The following RNF112 variants were observed in gnomAD, a reference collection of about 807,000 sequenced individuals.
RNF112 encodes the protein brain finger protein.
A neutral mutation model predicts 64.7 loss-of-function variants in RNF112; 34 were observed. The observed-to-expected ratio is 0.53, with a 90% CI of 0.40 to 0.70. RNF112 has a LOEUF of 0.70. Ranked by LOEUF, RNF112 falls within the 30% of genes least tolerant of loss-of-function variation. The probability of loss-of-function intolerance (pLI) is 0.00; values close to 1 mark genes in which losing one functional copy is unlikely to be tolerated. For missense variants in RNF112, 734 were observed against 850.0 expected (o/e 0.86, Z 1.70); for synonymous variants, 345 against 344.5 (o/e 1.00, Z -0.02).
rs756606719 is a variant in RNF112 at position 19,414,850 on chromosome 17, G to A, written c.1089G>A (p.Gly363=). 1.2e-6 allele frequency: 2 copies of A among 1,613,768 alleles called. No homozygotes were observed. The highest frequency in any genetic ancestry group is 2.2e-5 in the South Asian group (2 of 91,078). The change falls in exon 10 of 14, where the codon GGG becomes GGA. Residue 363 remains glycine, a synonymous_variant. Coordinates refer to ENST00000461366, the MANE Select transcript of RNF112 (RefSeq NM_007148.5). ...RARCCLLPAP[G]RRRMNQGHAS... Reference sequence around the variant, plus strand: ...GTTGCTGCCTCTTGCCTGCCCCAGGGAGGCGGCGGATGAACCAAGGCCATG... The same window carrying A: ...GTTGCTGCCTCTTGCCTGCCCCAGGAAGGCGGCGGATGAACCAAGGCCATG...
chr17:19,413,964 C>A lies in RNF112; in HGVS notation c.826-131C>A. 1.4e-6 allele frequency: 1 copy of A among 734,846 alleles called. No homozygotes were observed. Among genetic ancestry groups the A allele is most frequent in the Non-Finnish European group, 2.3e-6 (1 of 441,074 alleles). 45.5% of individuals were successfully genotyped at this position (734,846 alleles called of 1,614,324 possible). Reference sequence around the variant, plus strand: ...CAGCCCAGCCCTGCAGCCTTCGAGGCCCCCATACTGGCCTCTCCCATACTC... The same window carrying A: ...CAGCCCAGCCCTGCAGCCTTCGAGGACCCCATACTGGCCTCTCCCATACTC... On this transcript the variant is annotated intron_variant, in intron 6 of 13. Coordinates refer to ENST00000461366, the MANE Select transcript of RNF112 (RefSeq NM_007148.5). This position sits in a 1 kb window ranked among gnomAD's most constrained non-coding sequence, Gnocchi z 5.9.
Position 19,417,104 on chromosome 17 carries a change from C to T in RNF112, c.*929C>T, listed in dbSNP as rs1913921036. 1 of 152,198 alleles carries T rather than the reference C, an allele frequency of 6.6e-6. No individual in the cohort carries two copies. Among genetic ancestry groups the T allele is most frequent in the African/African-American group, 2.4e-5 (1 of 41,434 alleles). 9.4% of individuals were successfully genotyped at this position (152,198 alleles called of 1,614,324 possible). A position where few individuals can be genotyped will look rare whatever the true frequency, so the allele number is the denominator to read the frequency against. On this transcript the variant is annotated 3_prime_UTR_variant, in exon 14 of 14. Transcript: ENST00000461366. ...ATGCAGCTTGATGCAGCTCCTCAAA[C>T]ACCAGGCCCCCTGGGAACTGGGGGT...
At chr17:19,411,511 C>T (rs771121464) in intron 1 of RNF112, 49 bp downstream of exon 1, 6 of 1,574,860 alleles carry the variant, frequency 3.8e-6, no homozygotes, top group Non-Finnish European at 5.2e-6. Context: ...TGGGAAGGGC[C>T]CTCCTTGGGC....
chr17:19,414,751 T>G lies in RNF112; in HGVS notation c.1009-19T>G. On this transcript the variant is annotated intron_variant, in intron 9 of 13. Coordinates refer to ENST00000461366, the MANE Select transcript of RNF112 (RefSeq NM_007148.5). ...GGCTGGACCTCCTAGCTCAGAGCAC[T>G]CCTCTCGCTGCCTCACAGAGATTGT... The G allele has an allele frequency of 5.0e-6, 8 of 1,612,650 alleles. No homozygotes were observed. Among genetic ancestry groups the G allele is most frequent in the African/African-American group, 1.3e-5 (1 of 74,998 alleles).
In RNF112 at chr17:19,413,599, CAG is replaced by C. The variant is rs1913757064; in HGVS notation, c.744_745del (p.Asp250CysfsTer5). The C allele has an allele frequency of 1.9e-6, 3 of 1,613,304 alleles. No homozygotes were observed. The highest frequency in any genetic ancestry group is 2.5e-6 in the Non-Finnish European group (3 of 1,179,624). ...TAGGTGGCGGTGTTCCTGGTGGACACAGGGGATGCCATGAGCCCTGAGCTGAG... is the reference window on the plus strand; with the variant it reads ...TAGGTGGCGGTGTTCCTGGTGGACACGGGATGCCATGAGCCCTGAGCTGAG... On this transcript the variant is annotated frameshift_variant, in exon 6 of 14. Coordinates refer to ENST00000461366, the MANE Select transcript of RNF112 (RefSeq NM_007148.5). LOFTEE classifies it high-confidence loss of function. This position sits in a 1 kb window ranked among gnomAD's most constrained non-coding sequence, Gnocchi z 5.9.
At position 19,415,636 on chromosome 17, in the gene RNF112, G is replaced by C. The variant is rs2152300391; in HGVS notation, c.1425+44G>C. 6.2e-7 allele frequency: 1 copy of C among 1,605,656 alleles called. No homozygotes were observed. The highest frequency in any genetic ancestry group is 2.2e-5 in the East Asian group (1 of 44,654). ...CGGGAGGCAGGTGTGGGCCGGGCAGGGTCCAGATCAGGGAGAGGATACCTG... is the reference window on the plus strand; with the variant it reads ...CGGGAGGCAGGTGTGGGCCGGGCAGCGTCCAGATCAGGGAGAGGATACCTG... On this transcript the variant is annotated intron_variant, in intron 13 of 13. Coordinates refer to ENST00000461366, the MANE Select transcript of RNF112 (RefSeq NM_007148.5). The surrounding 1 kb of genome is among the most constrained non-coding windows in gnomAD (Gnocchi z 7.8).
chr17:19,412,352 C>T lies in RNF112; in HGVS notation c.96-146C>T, dbSNP rs1198053577. ...AGCTTGGCCTCTCTGGGAGCAGCTC[C>T]GCCTGTCCATGGAGGCACTGATGGA... On this transcript the variant is annotated intron_variant, in intron 2 of 13. Coordinates refer to ENST00000461366, the MANE Select transcript of RNF112 (RefSeq NM_007148.5). The surrounding 1 kb of genome is among the most constrained non-coding windows in gnomAD (Gnocchi z 5.1). 7 of 854,486 alleles carry T rather than the reference C, an allele frequency of 8.2e-6. No individual in the cohort carries two copies. The highest frequency in any genetic ancestry group is 2.7e-5 in the East Asian group (1 of 36,666). The allele number at this position is 854,486 out of a possible 1,614,324, so 52.9% of individuals were successfully genotyped here. A position where few individuals can be genotyped will look rare whatever the true frequency, so the allele number is the denominator to read the frequency against.
rs771251172 is a variant in RNF112 at position 19,414,677 on chromosome 17, GA to G, written c.1008+18del. The stretch of plus-strand genomic sequence containing the variant: ...ATCTTCCAGGTGAGTGGTGCAAGGG[GA>G]TGGGGTGGAGGGGCCATGGACAGGG... On this transcript the variant is annotated intron_variant, in intron 9 of 13. Transcript: ENST00000461366. 1 of 1,611,086 alleles carries G rather than the reference GA, an allele frequency of 6.2e-7. No homozygotes were observed.
At position 19,415,987 on chromosome 17, in the gene RNF112, A is replaced by G. The variant is rs1413736836; in HGVS notation, c.1708A>G (p.Met570Val). Reference sequence around the variant, plus strand: ...GGCAGGGGGCGTGGTGGGTGCTGGCATGGCAGCAGCTGCACTGGCTGCAGA... The same window carrying G: ...GGCAGGGGGCGTGGTGGGTGCTGGCGTGGCAGCAGCTGCACTGGCTGCAGA... ...GLAGGVVGAG[M>V]AAAALAAEAG... The change falls in exon 14 of 14, where the codon ATG becomes GTG. Residue 570 changes from methionine (M) to valine (V), a missense_variant. Transcript: ENST00000461366. The surrounding 1 kb of genome is among the most constrained non-coding windows in gnomAD (Gnocchi z 7.8). 3 of 1,565,758 alleles carry G rather than the reference A, an allele frequency of 1.9e-6. No homozygotes were observed. The highest frequency in any genetic ancestry group is 2.6e-6 in the Non-Finnish European group (3 of 1,157,250).
chr17:19,417,176 A>G lies in RNF112; in HGVS notation c.*1001A>G, dbSNP rs573740334. 28 of 152,256 alleles carry G rather than the reference A, an allele frequency of 1.8e-4. No homozygotes were observed. Among genetic ancestry groups the G allele is most frequent in the African/African-American group, 6.5e-4 (27 of 41,536 alleles). The allele number at this position is 152,256 out of a possible 1,614,324, so 9.4% of individuals were successfully genotyped here. A position where few individuals can be genotyped will look rare whatever the true frequency, so the allele number is the denominator to read the frequency against. ...GACAGAAAATCTGACTACTAGGAAG[A>G]CTTCTAGGCTATGAAACTGACTTCT... is the stretch of plus-strand genomic sequence containing the variant. On this transcript the variant is annotated 3_prime_UTR_variant, in exon 14 of 14. Coordinates refer to ENST00000461366, the MANE Select transcript of RNF112 (RefSeq NM_007148.5).
At position 19,415,123 on chromosome 17, in the gene RNF112, CCA is replaced by C; in HGVS notation, c.1213_1214del (p.Gln405GlyfsTer45). 1 of 1,608,756 alleles carries C rather than the reference CCA, an allele frequency of 6.2e-7. No homozygotes were observed. The highest frequency in any genetic ancestry group is 8.5e-7 in the Non-Finnish European group (1 of 1,178,752). ...AAPQHAKSRC[Q>X]GYWNEGRAVA... Reference sequence around the variant, plus strand: ...CCCCCCAGCACGCTAAGAGCCGCTGCCAGGGGTACTGGAACGAGGGGCGCGCC... The same window carrying C: ...CCCCCCAGCACGCTAAGAGCCGCTGCGGGGTACTGGAACGAGGGGCGCGCC... On this transcript the variant is annotated frameshift_variant, in exon 11 of 14. Coordinates refer to ENST00000461366, the MANE Select transcript of RNF112 (RefSeq NM_007148.5). LOFTEE classifies it high-confidence loss of function. This position sits in a 1 kb window ranked among gnomAD's most constrained non-coding sequence, Gnocchi z 7.8.
intron 7 of RNF112, 34 bp downstream of exon 7, chr17:19,414,179 C>G (rs1913780519): frequency 6.4e-7 from 1 of 1,571,376 alleles, no homozygotes; most frequent in Admixed American, 1.7e-5. Flanking sequence ...GCATCCCCCA[C>G]CCCCACCCTC....
chr17:19,411,822 G>A (rs1913670991), intron 2 of RNF112, 152 bp downstream of exon 2: 4 of 796,284 alleles, frequency 5.0e-6, no homozygotes, highest in Non-Finnish European at 6.2e-6. Context: ...GGAGGGACAG[G>A]AAGAAGCAGG....
At chr17:19,411,925 T>C (rs1913674838) in intron 2 of RNF112, 2 of 590,870 alleles carry the variant, frequency 3.4e-6, no homozygotes, top group Admixed American at 6.1e-5. Flanking sequence ...CAGCACAGGC[T>C]GATGGCTTCT....
At chr17:19,414,368 G>A (rs1022941867) in intron 7 of RNF112, 81 bp from the exon 8 acceptor site, 1 of 1,539,368 alleles carries the variant, frequency 6.5e-7, no homozygotes, top group Non-Finnish European at 9.0e-7. Flanking sequence ...AGCAGGCGTA[G>A]GGAGGTGGGG....
In RNF112 at chr17:19,413,093, C is replaced by T. The variant is rs1388454906; in HGVS notation, c.537C>T (p.His179=). Residue 179 remains histidine, a synonymous_variant, in exon 4 of 14, where the codon CAC becomes CAT. Transcript: ENST00000461366. The surrounding 1 kb of genome is among the most constrained non-coding windows in gnomAD (Gnocchi z 5.9). ...VCLLAVLGEQ[H]SGKSFLLNHL... Reference sequence around the variant, plus strand: ...TCCTCGCTGTCCTGGGGGAGCAGCACTCAGGGAAGTCCTTCCTCCTCAACC... The same window carrying T: ...TCCTCGCTGTCCTGGGGGAGCAGCATTCAGGGAAGTCCTTCCTCCTCAACC... 23 of 1,613,314 alleles carry T rather than the reference C, an allele frequency of 1.4e-5. No individual in the cohort carries two copies. Among genetic ancestry groups the T allele is most frequent in the Non-Finnish European group, 1.8e-5 (21 of 1,179,838 alleles).
intron 2 of RNF112, 112 bp downstream of exon 2, chr17:19,411,782 G>A (rs1363759789): frequency 5.2e-6 from 6 of 1,151,390 alleles, no homozygotes; most frequent in Admixed American, 2.3e-5. Flanking sequence ...AGGGCTGTCC[G>A]CCTGAGGCTG....
Position 19,415,518 on chromosome 17 carries a change from A to G in RNF112, c.1351A>G (p.Met451Val). The G allele has an allele frequency of 1.2e-6, 2 of 1,611,034 alleles. No homozygotes were observed. Among genetic ancestry groups the G allele is most frequent in the Non-Finnish European group, 1.7e-6 (2 of 1,178,844 alleles). Residue 451 changes from methionine to valine, a missense_variant and splice_region_variant, in exon 13 of 14, where the codon ATG (methionine) becomes GTG (valine). Physicochemically the swap from Met to Val is conservative, Grantham distance 21. Coordinates refer to ENST00000461366, the MANE Select transcript of RNF112 (RefSeq NM_007148.5). The surrounding 1 kb of genome is among the most constrained non-coding windows in gnomAD (Gnocchi z 7.8). ...GCAGCCTGGGTTTTCCCGTGGACAGATGGCTGCTCAGCTGCACGACCTGAG... is the reference window on the plus strand; with the variant it reads ...GCAGCCTGGGTTTTCCCGTGGACAGGTGGCTGCTCAGCTGCACGACCTGAG... ...TGPGFTSPDE[M>V]AAQLHDLRKV...
In RNF112 at chr17:19,413,347, A is replaced by G. The variant is rs773373702; in HGVS notation, c.656A>G (p.Asn219Ser). The G allele has an allele frequency of 6.8e-6, 11 of 1,613,172 alleles. No homozygotes were observed. The highest frequency in any genetic ancestry group is 4.5e-5 in the East Asian group (2 of 44,858). ...ASLQGCRWGA[N>S]GLARGIWMWS... The stretch of plus-strand genomic sequence containing the variant: ...CTGCAGGGCTGCAGGTGGGGCGCCA[A>G]TGGCCTCGCCAGGGGCATATGGATG... Residue 219 changes from asparagine (N) to serine (S), a missense_variant, in exon 5 of 14, where the codon AAT becomes AGT. Asn to Ser is a conservative substitution (Grantham distance 46). Transcript: ENST00000461366. This position sits in a 1 kb window ranked among gnomAD's most constrained non-coding sequence, Gnocchi z 5.9.
Sources: gnomAD v4.1 joint callset for allele counts on GRCh38, gnomAD v4.1.1 for gene constraint, Gnocchi (gnomAD v3.1) non-coding constraint, MANE v1.5 for transcripts, NCBI Gene and HGNC (gene_info 2026-07-23, HGNC 2026-07-21) for gene names.